Variants in TCF12 observed in about 807,000 individuals in gnomAD.
The protein encoded by TCF12 is transcription factor 12, also known as DNA-binding protein HTF4.
In TCF12, 45 loss-of-function variants were observed where a neutral mutation model predicts 86.0. The ratio of observed to expected loss-of-function variants is 0.52; its 90% confidence interval spans 0.41 to 0.67. The LOEUF is 0.67. Ranked by LOEUF, TCF12 falls within the 30% of genes least tolerant of loss-of-function variation. TCF12 has a pLI of 0.00. For missense variants in TCF12, 881 were observed against 859.9 expected, an observed-to-expected ratio of 1.02 and a Z score of -0.31; for synonymous variants, 330 against 299.6, an observed-to-expected ratio of 1.10 and a Z score of -1.05.
chr15:57,226,078 GT>G (rs2058862043), intron 8 of TCF12, among the ~76,000 whole-genome samples: 1 of 132,138 alleles, frequency 7.6e-6, no homozygotes, highest in East Asian at 2.2e-4. Context: ...AAATTACCTA[GT>G]TTTTTGAATG....
intron 3 of TCF12, among the ~76,000 whole-genome samples, chr15:56,937,109 A>G (rs1056964013): frequency 1.3e-5 from 2 of 152,132 alleles, no homozygotes; most frequent in Non-Finnish European, 2.9e-5. Flanking sequence ...ATCTGTGAGC[A>G]TGGGTTGTGT....
intron 13 of TCF12, among the ~76,000 whole-genome samples, chr15:57,244,131 G>C (rs2059750466): frequency 6.6e-6 from 1 of 152,092 alleles, no homozygotes; most frequent in African/African-American, 2.4e-5. Context: ...CTCCCACCTT[G>C]GCCCCCCAAA....
chr15:57,254,733 C>T (rs2060265985), intron 16 of TCF12, among the ~76,000 whole-genome samples: 1 of 151,588 alleles, frequency 6.6e-6, no homozygotes, highest in Admixed American at 6.6e-5. Context: ...TGGCATGCGC[C>T]TGTGGTCCCA....
intron 3 of TCF12, among the ~76,000 whole-genome samples, chr15:56,950,452 C>T (rs1428213540): frequency 6.6e-6 from 1 of 152,174 alleles, no homozygotes; most frequent in Non-Finnish European, 1.5e-5. Context: ...TCTTGAACTC[C>T]TGGCCTCAGG....
At chr15:57,012,805 T>G (rs2064912596) in intron 3 of TCF12, among the ~76,000 whole-genome samples, 1 of 152,194 alleles carries the variant, frequency 6.6e-6, no homozygotes, top group African/African-American at 2.4e-5. Context: ...ACTTGGTGGT[T>G]TGTCAGAATA....
chr15:57,263,955 T>TC lies in TCF12; in HGVS notation c.1745+681_1745+682insC, dbSNP rs2060711290. On this transcript the variant is annotated intron_variant, in intron 18 of 20. Coordinates refer to ENST00000333725, the MANE Select transcript of TCF12 (RefSeq NM_207037.2). ...TCAATGAGCAGGTGGTGAGTGAATGTGAAGGCCTAGGACATTTCTGTACAC... is the reference window on the plus strand; with the variant it reads ...TCAATGAGCAGGTGGTGAGTGAATGTCGAAGGCCTAGGACATTTCTGTACAC... Among the ~76,000 whole-genome samples, 4 of 152,274 alleles carry TC rather than the reference T, an allele frequency of 2.6e-5. No homozygotes were observed. In the South Asian group the frequency reaches 8.3e-4, roughly 32 times the overall value.
rs138208529 is a variant in TCF12 at position 57,154,201 on chromosome 15, G to A, written c.326-12201G>A. On this transcript the variant is annotated intron_variant, in intron 5 of 20. Transcript: ENST00000333725. ...CTTTTTTCATTCTCTGTTTTCCAGT[G>A]GTTTTTGCACATAATTTTAAGAATA... Among the ~76,000 whole-genome samples the A allele has an allele frequency of 4.0e-4, 61 of 152,128 alleles. 1 individual carries two copies. The highest frequency in any genetic ancestry group is 1.4e-3 in the African/African-American group (58 of 41,524).
rs189416316 is a variant in TCF12, at chr15:57,177,029, G to A, written c.390+10563G>A. Reference sequence around the variant, plus strand: ...ATGTGGAAGCTATCCAGAGATGATTGACTCATAAGGTAGCATGTGAAAGGG... The same window carrying A: ...ATGTGGAAGCTATCCAGAGATGATTAACTCATAAGGTAGCATGTGAAAGGG... On this transcript the variant is annotated intron_variant, in intron 6 of 20. Transcript: ENST00000333725. Among the ~76,000 whole-genome samples, 6 of 152,244 alleles carry A rather than the reference G, an allele frequency of 3.9e-5. No homozygotes were observed. The East Asian group carries it at 1.2e-3, about 29-fold the overall frequency.
chr15:57,205,824 G>T (rs1158926668), intron 8 of TCF12, among the ~76,000 whole-genome samples: 1 of 152,180 alleles, frequency 6.6e-6, no homozygotes, highest in African/African-American at 2.4e-5. Flanking sequence ...ATTTTTGTGA[G>T]AAGTCGGTAA....
intron 3 of TCF12, among the ~76,000 whole-genome samples, chr15:56,924,489 G>A (rs1274114252): frequency 6.6e-6 from 1 of 152,178 alleles, no homozygotes; most frequent in Non-Finnish European, 1.5e-5. Flanking sequence ...TTACTGAACT[G>A]TGATAGAAAT....
At chr15:57,243,935 G>C (rs2059740757) in intron 13 of TCF12, among the ~76,000 whole-genome samples, 1 of 152,130 alleles carries the variant, frequency 6.6e-6, no homozygotes, top group African/African-American at 2.4e-5. Context: ...CTGGAGTATA[G>C]TGGTATGGTC....
chr15:57,176,855 CAA>C (rs2055949890), intron 6 of TCF12, among the ~76,000 whole-genome samples: 1 of 152,108 alleles, frequency 6.6e-6, no homozygotes, highest in Non-Finnish European at 1.5e-5. Context: ...GAGGTTATGT[CAA>C]AGAGTTGAAT....
chr15:56,922,106 A>G (rs1197801594), intron 3 of TCF12, among the ~76,000 whole-genome samples: 1 of 151,898 alleles, frequency 6.6e-6, no homozygotes, highest in Non-Finnish European at 1.5e-5. Flanking sequence ...TTTACTGGTA[A>G]TCATTTGAAA....
intron 3 of TCF12, among the ~76,000 whole-genome samples, chr15:57,049,445 G>C (rs1002391774): frequency 1.3e-5 from 2 of 152,136 alleles, no homozygotes; most frequent in African/African-American, 4.8e-5. Context: ...GTTACTTCTG[G>C]AATTTGCACA....
rs533897953 is a variant in TCF12 at position 57,054,243 on chromosome 15, A to G, written c.149-9507A>G. 2.0e-5 allele frequency among the ~76,000 whole-genome samples: 3 copies of G among 152,336 alleles called. No homozygotes were observed. In the East Asian group the frequency reaches 5.8e-4, roughly 29 times the overall value. Reference sequence around the variant, plus strand: ...TAGAATTGTTTGTGGAATTAAGTTAATAATAGTAATTGCTCACACAGCTGT... The same window carrying G: ...TAGAATTGTTTGTGGAATTAAGTTAGTAATAGTAATTGCTCACACAGCTGT... On this transcript the variant is annotated intron_variant, in intron 3 of 20. Transcript: ENST00000333725.
chr15:56,998,674 T>C (rs7359192), intron 3 of TCF12, among the ~76,000 whole-genome samples: 32,136 of 151,940 alleles, frequency 0.21, 3,541 homozygotes, highest in Middle Eastern at 0.24. Flanking sequence ...CCGAACAACA[T>C]TATCAACTAG....
At chr15:57,095,720 G>A (rs145623452) in intron 5 of TCF12, among the ~76,000 whole-genome samples, 28 of 152,234 alleles carry the variant, frequency 1.8e-4, no homozygotes, top group Non-Finnish European at 2.9e-4. Context: ...GGAAATTGCA[G>A]GGCTGAGAGT....
At chr15:57,188,032 G>A (rs1034622553) in intron 6 of TCF12, among the ~76,000 whole-genome samples, 3 of 151,926 alleles carry the variant, frequency 2.0e-5, no homozygotes, top group Non-Finnish European at 4.4e-5. Context: ...ATTTGCAGAC[G>A]ATATGATCTT....
chr15:57,010,328 G>C (rs1456194639), intron 3 of TCF12, among the ~76,000 whole-genome samples: 2 of 152,032 alleles, frequency 1.3e-5, no homozygotes, highest in African/African-American at 4.8e-5. Flanking sequence ...CAAGAGGATT[G>C]CTTGAGGCCA....
Sources: gnomAD v4.1 joint callset for allele counts (sites outside exome capture counted in the v4.1 genomes callset) on GRCh38, gnomAD v4.1.1 for gene constraint, MANE v1.5 for transcripts, NCBI Gene and HGNC (gene_info 2026-07-23, HGNC 2026-07-21) for gene names.